Variants in SPATA6 observed in about 807,000 individuals in gnomAD.
SPATA6 encodes the protein spermatogenesis associated 6.
SPATA6 carries 56 observed loss-of-function variants against 65.3 expected under a neutral mutation model. The ratio of observed to expected loss-of-function variants is 0.86; its 90% confidence interval spans 0.69 to 1.07. The LOEUF (loss-of-function observed/expected upper bound fraction) is 1.07, where lower values mean the gene tolerates loss of function less well. Among genes scored for constraint, SPATA6 ranks in the 50% least tolerant of loss-of-function variants. SPATA6 has a pLI of 0.00. For missense variants in SPATA6, 590 were observed against 594.8 expected, an observed-to-expected ratio of 0.99 and a Z score of 0.08; for synonymous variants, 199 against 213.2, an observed-to-expected ratio of 0.93 and a Z score of 0.58.
At chr1:48,395,234 T>G in intron 8 of SPATA6, 33 bp downstream of exon 8, 2 of 1,489,514 alleles carry the variant, frequency 1.3e-6, no homozygotes, top group Non-Finnish European at 1.8e-6. Context: ...CTCAGGCAAC[T>G]ACAGCAATGA....
chr1:48,273,055 A>T, the SPATA6 span, among the ~76,000 whole-genome samples: 1 of 152,110 alleles, frequency 6.6e-6, no homozygotes, highest in Non-Finnish European at 1.5e-5. Context: ...TTTTTTCCTC[A>T]TTCCGAATAT....
intron 8 of SPATA6, among the ~76,000 whole-genome samples, chr1:48,388,007 G>A (rs1649662305): frequency 1.3e-5 from 2 of 152,154 alleles, no homozygotes; most frequent in Admixed American, 1.3e-4. Flanking sequence ...CATCTGAGTA[G>A]GCCAACTAGA....
At chr1:48,404,761 T>C (rs1651536085) in intron 5 of SPATA6, among the ~76,000 whole-genome samples, 1 of 152,244 alleles carries the variant, frequency 6.6e-6, no homozygotes, top group Non-Finnish European at 1.5e-5. Flanking sequence ...ATAATGTATC[T>C]TACATTCATA....
chr1:48,471,265 G>A (rs1658219935), intron 1 of SPATA6, among the ~76,000 whole-genome samples: 1 of 152,134 alleles, frequency 6.6e-6, no homozygotes, highest in African/African-American at 2.4e-5. Flanking sequence ...TTGCAAGGTT[G>A]GAGAAGGAGG....
chr1:48,397,356 T>C (rs1334658608), intron 7 of SPATA6, among the ~76,000 whole-genome samples: 4 of 151,726 alleles, frequency 2.6e-5, no homozygotes. Context: ...TTACGTATAT[T>C]CTACCACAAT....
chr1:48,423,602 C>G lies in SPATA6; in HGVS notation c.239-10451G>C, dbSNP rs533174996. Among the ~76,000 whole-genome samples the G allele has an allele frequency of 3.8e-5, 5 of 132,216 alleles. No homozygotes were observed. In the South Asian group the frequency reaches 1.2e-3, roughly 31 times the overall value. The allele number at this position is 132,216 out of a possible 152,430, so 86.7% of individuals were successfully genotyped here. On this transcript the variant is annotated intron_variant, in intron 3 of 12. Coordinates refer to ENST00000371847, the MANE Select transcript of SPATA6 (RefSeq NM_019073.4). ...TTTTTTTGTCACACAGGCTGGAGAG[C>G]AATGGCACAATCTCGGCTCACTGCA...
rs1031027742 is a variant in SPATA6 at position 48,435,155 on chromosome 1, C to T, written c.238+16397G>A. Among the ~76,000 whole-genome samples the T allele has an allele frequency of 4.6e-5, 7 of 152,164 alleles. No homozygotes were observed. The East Asian group carries it at 7.7e-4, about 17-fold the overall frequency. The stretch of plus-strand genomic sequence containing the variant: ...ATGTACTGACACTAATAATACATCA[C>T]CAATAATAATAAACAAGGAACATTT... On this transcript the variant is annotated intron_variant, in intron 3 of 12. Transcript: ENST00000371847.
intron 9 of SPATA6, among the ~76,000 whole-genome samples, chr1:48,377,216 C>T (rs751203174): frequency 2.6e-5 from 4 of 152,104 alleles, no homozygotes; most frequent in Admixed American, 6.6e-5. Flanking sequence ...GTATAAATCT[C>T]GCCATGTCAC....
At chr1:48,378,700 A>G (rs1304350473) in intron 9 of SPATA6, among the ~76,000 whole-genome samples, 1 of 152,198 alleles carries the variant, frequency 6.6e-6, no homozygotes, top group Non-Finnish European at 1.5e-5. Flanking sequence ...TTACAGTTCA[A>G]TCATCTCCCC....
At position 48,419,490 on chromosome 1, in the gene SPATA6, G is replaced by T. The variant is rs142413329; in HGVS notation, c.239-6339C>A. On this transcript the variant is annotated intron_variant, in intron 3 of 12. Transcript: ENST00000371847. ...ATATAGGGTAAGAAAGCAGCAACGA[G>T]AAAGACACTAAGGAAATGGGGCTTA... 2.6e-5 allele frequency among the ~76,000 whole-genome samples: 4 copies of T among 152,278 alleles called. No individual in the cohort carries two copies. The East Asian group carries it at 7.7e-4, about 29-fold the overall frequency.
intron 12 of SPATA6, among the ~76,000 whole-genome samples, chr1:48,301,688 C>CTGTTG (rs1404822148): frequency 1.3e-5 from 2 of 151,970 alleles, no homozygotes; most frequent in African/African-American, 4.8e-5. Context: ...GACGAATAGA[C>CTGTTG]TAATGGAACA....
At chr1:48,328,189 C>T (rs1228721181) in intron 11 of SPATA6, among the ~76,000 whole-genome samples, 1 of 151,844 alleles carries the variant, frequency 6.6e-6, no homozygotes, top group Non-Finnish European at 1.5e-5. Flanking sequence ...GAAAAGATAG[C>T]TAATAAAAAA....
intron 11 of SPATA6, among the ~76,000 whole-genome samples, chr1:48,345,209 C>G (rs1490228734): frequency 6.6e-6 from 1 of 151,842 alleles, no homozygotes; most frequent in Non-Finnish European, 1.5e-5. Flanking sequence ...GATACAATTA[C>G]ATAGAAATTG....
chr1:48,279,794 A>T, the SPATA6 span, among the ~76,000 whole-genome samples: 1 of 152,216 alleles, frequency 6.6e-6, no homozygotes, highest in African/African-American at 2.4e-5. Flanking sequence ...GTTAACAAGG[A>T]TACCCAGGAA....
At chr1:48,310,967 A>C (rs1645192024) in intron 11 of SPATA6, among the ~76,000 whole-genome samples, 1 of 152,194 alleles carries the variant, frequency 6.6e-6, no homozygotes, top group Non-Finnish European at 1.5e-5. Context: ...ACAATATACT[A>C]CTAAATGATC....
intron 11 of SPATA6, among the ~76,000 whole-genome samples, chr1:48,345,517 T>C (rs906707209): frequency 2.6e-5 from 4 of 151,746 alleles, no homozygotes; most frequent in Admixed American, 6.6e-5. Context: ...TGAAAGTGAT[T>C]GACACGAAAA....
intron 11 of SPATA6, among the ~76,000 whole-genome samples, chr1:48,352,737 T>C (rs1335181643): frequency 6.6e-6 from 1 of 151,938 alleles, no homozygotes; most frequent in East Asian, 1.9e-4. Flanking sequence ...TGGATATTAA[T>C]TCAGTAAAAC....
intron 11 of SPATA6, among the ~76,000 whole-genome samples, chr1:48,337,473 T>G (rs1646091518): frequency 6.6e-6 from 1 of 151,820 alleles, no homozygotes; most frequent in South Asian, 2.1e-4. Flanking sequence ...GACAAGAAAC[T>G]GTCTATCACC....
At chr1:48,373,425 G>C (rs1647523318) in intron 9 of SPATA6, among the ~76,000 whole-genome samples, 1 of 152,158 alleles carries the variant, frequency 6.6e-6, no homozygotes, top group Non-Finnish European at 1.5e-5. Context: ...ATCGCTATCA[G>C]AATTTTTGCC....
Sources: gnomAD v4.1 joint callset for allele counts (sites outside exome capture counted in the v4.1 genomes callset) on GRCh38, gnomAD v4.1.1 for gene constraint, MANE v1.5 for transcripts, NCBI Gene and HGNC (gene_info 2026-07-23, HGNC 2026-07-21) for gene names.